The following TENT5D variants were observed in gnomAD, a reference collection of about 807,000 sequenced individuals.
TENT5D encodes terminal nucleotidyltransferase 5D.
For synonymous variants in TENT5D, 103 were observed against 100.6 expected, an observed-to-expected ratio of 1.02 and a Z score of -0.15; for missense variants, 191 against 287.0, an observed-to-expected ratio of 0.67 and a Z score of 2.42.
intron 3 of TENT5D, among the ~76,000 whole-genome samples, chrX:80,343,516 A>G (rs1314211204): frequency 6.6e-5 from 7 of 106,472 alleles, no homozygotes; most frequent in East Asian, 2.9e-4. Flanking sequence ...TCCTGCCTCA[A>G]CCTCCCGAGT....
At chrX:80,338,519 A>G (rs1044950112) in intron 2 of TENT5D, among the ~76,000 whole-genome samples, 4 of 112,555 alleles carry the variant, frequency 3.6e-5, no homozygotes, top group Non-Finnish European at 5.6e-5. Flanking sequence ...ATGATTAATT[A>G]TGCTTAGTTC....
At chrX:80,433,145 G>T (rs1049573423) in intron 1 of TENT5D, among the ~76,000 whole-genome samples, 1 of 112,134 alleles carries the variant, frequency 8.9e-6, no homozygotes, top group African/African-American at 3.2e-5. Context: ...AAGGGGAAGA[G>T]ACTATTTCCT....
intron 3 of TENT5D, among the ~76,000 whole-genome samples, chrX:80,391,964 TAGAA>T (rs1343898649): frequency 8.9e-6 from 1 of 112,463 alleles, no homozygotes. Flanking sequence ...TTTGGTATAA[TAGAA>T]AGAGTAGAGC....
At chrX:80,426,273 A>G (rs964631313) in intron 1 of TENT5D, among the ~76,000 whole-genome samples, 2 of 111,594 alleles carry the variant, frequency 1.8e-5, no homozygotes, top group South Asian at 3.8e-4. Context: ...TTAGATTACC[A>G]TAAGTTATTT....
chrX:80,424,917 T>G (rs947470915), intron 1 of TENT5D, among the ~76,000 whole-genome samples: 1 of 112,360 alleles, frequency 8.9e-6, no homozygotes, highest in Non-Finnish European at 1.9e-5. Flanking sequence ...ACTCCTTTTT[T>G]TCTGAGGTTT....
chrX:80,402,372 T>C (rs756774047), intron 3 of TENT5D, among the ~76,000 whole-genome samples: 2 of 112,032 alleles, frequency 1.8e-5, no homozygotes, highest in African/African-American at 6.5e-5. Context: ...AGATTTCTTG[T>C]ATTATTTTTC....
Position 80,433,900 on chromosome X carries a change from C to T in TENT5D, c.-141-4710C>T, listed in dbSNP as rs775852386. ...CTCTAATCCCAGCACTTTTGGAGGCCGAGGCAGATGGATCACTTGAGGTCA... is the reference window on the plus strand; with the variant it reads ...CTCTAATCCCAGCACTTTTGGAGGCTGAGGCAGATGGATCACTTGAGGTCA... On this transcript the variant is annotated intron_variant, in intron 1 of 2. Transcript: ENST00000308293. 1.8e-4 allele frequency among the ~76,000 whole-genome samples: 20 copies of T among 110,284 alleles called. No homozygotes were observed. The South Asian group carries it at 1.9e-3, about 11-fold the overall frequency.
chrX:80,375,384 G>C (rs1288314567), intron 3 of TENT5D, among the ~76,000 whole-genome samples: 2 of 111,009 alleles, frequency 1.8e-5, no homozygotes, highest in African/African-American at 6.5e-5. Flanking sequence ...TAAATTCTTA[G>C]TAGGCAAGGA....
chrX:80,390,783 CAA>C (rs1931108685), intron 3 of TENT5D, among the ~76,000 whole-genome samples: 1 of 111,443 alleles, frequency 9.0e-6, no homozygotes, highest in South Asian at 3.8e-4. Flanking sequence ...AGGTGGAAGA[CAA>C]GATCATTTGA....
chrX:80,359,923 T>C lies in TENT5D; in HGVS notation c.-142+17359T>C, dbSNP rs933023800. On this transcript the variant is annotated intron_variant, in intron 3 of 4. Transcript: ENST00000538312. Reference sequence around the variant, plus strand: ...AATGATGTATTTCTTGTTTATTTTATAGCATATGTTCACTGGTAAAACCAC... The same window carrying C: ...AATGATGTATTTCTTGTTTATTTTACAGCATATGTTCACTGGTAAAACCAC... Among the ~76,000 whole-genome samples, 4 of 111,995 alleles carry C rather than the reference T, an allele frequency of 3.6e-5. No individual in the cohort carries two copies. The Admixed American group carries it at 3.8e-4, about 11-fold the overall frequency.
chrX:80,430,145 A>G (rs1932060480), intron 1 of TENT5D, among the ~76,000 whole-genome samples: 1 of 111,686 alleles, frequency 9.0e-6, no homozygotes, highest in Non-Finnish European at 1.9e-5. Flanking sequence ...GAGTAAAAAA[A>G]CATTTCCCCA....
intron 3 of TENT5D, among the ~76,000 whole-genome samples, chrX:80,405,407 C>T (rs1401098776): frequency 9.0e-6 from 1 of 110,614 alleles, no homozygotes; most frequent in East Asian, 2.9e-4. Flanking sequence ...GCACCGTGCG[C>T]GAGCCGAAGC....
exon 3 of TENT5D, chrX:80,443,424 G>A (rs1455692977): frequency 8.3e-7 from 1 of 1,211,519 alleles, no homozygotes; most frequent in Non-Finnish European, 1.1e-6. Context: ...GAATGACCAA[G>A]TATGACTACC....
At chrX:80,394,740 AAC>A (rs765466279) in intron 3 of TENT5D, among the ~76,000 whole-genome samples, 1 of 111,275 alleles carries the variant, frequency 9.0e-6, no homozygotes, top group East Asian at 2.8e-4. Context: ...AATTTTAATT[AAC>A]ACATAATAAT....
chrX:80,419,168 A>C (rs1931834417), upstream of TENT5D, among the ~76,000 whole-genome samples: 1 of 111,717 alleles, frequency 9.0e-6, no homozygotes, highest in African/African-American at 3.2e-5. Context: ...ATTATGTTTA[A>C]AAATTCTACA....
At chrX:80,443,544 A>G (rs767222247) in exon 3 of TENT5D, 1 of 1,210,777 alleles carries the variant, frequency 8.3e-7, no homozygotes, top group Admixed American at 2.2e-5. Flanking sequence ...TACTTGGAGA[A>G]CTAAATATTC....
chrX:80,341,785 C>T lies in TENT5D; in HGVS notation c.-206-715C>T, dbSNP rs1045326044. Among the ~76,000 whole-genome samples, 8 of 101,585 alleles carry T rather than the reference C, an allele frequency of 7.9e-5. No homozygotes were observed. The East Asian group carries it at 1.6e-3, about 20-fold the overall frequency. The allele number at this position is 101,585 out of a possible 115,157, so 88.2% of individuals were successfully genotyped here. A position where few individuals can be genotyped will look rare whatever the true frequency, so the allele number is the denominator to read the frequency against. ...GGAGTGCAGTGGCGCGATCTCGGCT[C>T]ACTGCAAGCTCCGCCTCCCGGGTTC... On this transcript the variant is annotated intron_variant, in intron 2 of 4. Transcript: ENST00000538312.
intron 3 of TENT5D, among the ~76,000 whole-genome samples, chrX:80,408,199 A>T (rs1400518237): frequency 9.5e-6 from 1 of 105,813 alleles, no homozygotes; most frequent in Non-Finnish European, 2.0e-5. Context: ...GAACTAGAAA[A>T]GCAAGAGCAA....
At chrX:80,351,275 G>T (rs1265037045) in intron 3 of TENT5D, among the ~76,000 whole-genome samples, 3 of 109,565 alleles carry the variant, frequency 2.7e-5, no homozygotes, top group Non-Finnish European at 3.8e-5. Context: ...CACTTTCAGG[G>T]ACCCCAATCA....
Sources: allele counts gnomAD v4.1 joint callset (sites outside exome capture counted in the v4.1 genomes callset), GRCh38; gene constraint gnomAD v4.1.1; transcripts MANE v1.5; gene names NCBI Gene and HGNC (gene_info 2026-07-23, HGNC 2026-07-21).